The following ZNF141 variants were observed in gnomAD, a reference collection of about 807,000 sequenced individuals.
The protein encoded by ZNF141 is zinc finger protein 141.
ZNF141 carries 7 observed loss-of-function variants against 11.3 expected under a neutral mutation model. The ratio of observed to expected loss-of-function variants is 0.62; its 90% CI spans 0.35 to 1.16. The LOEUF (loss-of-function observed/expected upper bound fraction) is 1.16. Among genes scored for constraint, ZNF141 ranks in the 50% most tolerant of loss-of-function variants. The pLI, the probability that ZNF141 is intolerant of heterozygous loss-of-function variation, is 0.02. For synonymous variants in ZNF141, 183 were observed against 190.7 expected, an observed-to-expected ratio of 0.96 and a Z score of 0.33; for missense variants, 535 against 554.0, an observed-to-expected ratio of 0.97 and a Z score of 0.34.
intron 3 of ZNF141, among the ~76,000 whole-genome samples, chr4:344,760 C>G (rs781903306): frequency 1.3e-4 from 20 of 152,128 alleles, no homozygotes; most frequent in South Asian, 6.2e-4. Flanking sequence ...CACCACTGCA[C>G]TCCAGCCTGG....
intron 3 of ZNF141, among the ~76,000 whole-genome samples, chr4:370,965 CTCCTGA>C (rs1472188048): frequency 6.6e-6 from 1 of 151,980 alleles, no homozygotes; most frequent in Non-Finnish European, 1.5e-5. Flanking sequence ...CTCTCCTGAC[CTCCTGA>C]TCCACCAGCC....
intron 2 of ZNF141, 62 bp from the exon 3 acceptor site, chr4:344,273 A>C (rs1299874758): frequency 2.9e-6 from 4 of 1,376,316 alleles, no homozygotes; most frequent in African/African-American, 2.9e-5. Context: ...GCGTAGTACT[A>C]GGTTGGTAAT....
chr4:348,670 A>G (rs941763607), intron 3 of ZNF141, among the ~76,000 whole-genome samples: 1 of 151,522 alleles, frequency 6.6e-6, no homozygotes, highest in Non-Finnish European at 1.5e-5. Flanking sequence ...AGCCTAGATC[A>G]CTGAACCTAG....
At chr4:371,152 T>C (rs2108652111) in intron 3 of ZNF141, among the ~76,000 whole-genome samples, 1 of 149,740 alleles carries the variant, frequency 6.7e-6, no homozygotes, top group East Asian at 1.9e-4. Context: ...TATATTTAGT[T>C]TTGTTACCAT....
intron 3 of ZNF141, among the ~76,000 whole-genome samples, chr4:348,913 AT>A (rs1383250440): frequency 3.3e-5 from 5 of 152,280 alleles, no homozygotes; most frequent in African/African-American, 1.2e-4. Context: ...TTTGGATAAT[AT>A]TCTTTGACAA....
intron 3 of ZNF141, among the ~76,000 whole-genome samples, chr4:347,790 T>A (rs146951447): frequency 6.6e-6 from 1 of 152,244 alleles, no homozygotes; most frequent in Non-Finnish European, 1.5e-5. Context: ...GGTTATTCAT[T>A]ATTATTGTTT....
rs1240265985 is a variant in ZNF141 at position 382,732 on chromosome 4, T to C, written c.*8870T>C. The stretch of plus-strand genomic sequence containing the variant: ...AAAAATCTTGCTCCTATTTCAGAAG[T>C]GTCACTCCAGCCCCTTGAAGGTCCA... On this transcript the variant is annotated 3_prime_UTR_variant, in exon 4 of 4. Coordinates refer to ENST00000240499, the MANE Select transcript of ZNF141 (RefSeq NM_003441.4). 6 of 157,158 alleles carry C rather than the reference T, an allele frequency of 3.8e-5. No individual in the cohort carries two copies. The highest frequency in any genetic ancestry group is 1.3e-4 in the Admixed American group (2 of 15,672). 9.7% of individuals were successfully genotyped at this position (157,158 alleles called of 1,614,324 possible). A position where few individuals can be genotyped will look rare whatever the true frequency, so the allele number is the denominator to read the frequency against.
At chr4:363,520 G>T (rs1711582458) in intron 3 of ZNF141, among the ~76,000 whole-genome samples, 1 of 152,094 alleles carries the variant, frequency 6.6e-6, no homozygotes, top group Admixed American at 6.5e-5. Flanking sequence ...ACTTTGGGAG[G>T]CCAAGGCGGG....
At chr4:369,073 TATCCTACTACA>T (rs2108723555) in intron 3 of ZNF141, among the ~76,000 whole-genome samples, 1 of 152,270 alleles carries the variant, frequency 6.6e-6, no homozygotes, top group African/African-American at 2.4e-5. Context: ...GGTATTGAAA[TATCCTACTACA>T]ATTACATTGC....
chr4:347,498 C>T, intron 3 of ZNF141, among the ~76,000 whole-genome samples: 1 of 151,850 alleles, frequency 6.6e-6, no homozygotes, highest in Non-Finnish European at 1.5e-5. Context: ...TTCCACCACA[C>T]CCAGCTAATT....
rs535876094 is a variant in ZNF141 at position 371,134 on chromosome 4, A to ATT, written c.227-1527_227-1526dup. 5.7e-3 allele frequency among the ~76,000 whole-genome samples: 850 copies of ATT among 148,094 alleles called. 12 individuals are homozygous for ATT. The highest frequency in any genetic ancestry group is 0.053 in the South Asian group (253 of 4,750). On this transcript the variant is annotated intron_variant, in intron 3 of 3. Coordinates refer to ENST00000240499, the MANE Select transcript of ZNF141 (RefSeq NM_003441.4). ...TGTTTTCATTTATATATATATATAT[A>ATT]TTTTAATTATATTTAGTTTTGTTAC... is the stretch of plus-strand genomic sequence containing the variant.
Position 374,010 on chromosome 4 carries a change from CAT to C in ZNF141, c.*150_*151del. On this transcript the variant is annotated 3_prime_UTR_variant, in exon 4 of 4. Coordinates refer to ENST00000240499, the MANE Select transcript of ZNF141 (RefSeq NM_003441.4). ...TACCTCATTCTCAAACCTTGATAAA[CAT>C]AAGAGAATTCATACCGGAGAGAAAC... 1 of 740,836 alleles carries C rather than the reference CAT, an allele frequency of 1.3e-6. No individual in the cohort carries two copies. Among genetic ancestry groups the C allele is most frequent in the Non-Finnish European group, 2.3e-6 (1 of 438,632 alleles). 45.9% of individuals were successfully genotyped at this position (740,836 alleles called of 1,614,324 possible).
chr4:363,626 C>A (rs1445269221), intron 3 of ZNF141, among the ~76,000 whole-genome samples: 1 of 152,010 alleles, frequency 6.6e-6, no homozygotes, highest in Non-Finnish European at 1.5e-5. Context: ...GGTGTGGTGG[C>A]AGGCACCTGG....
rs1712482178 is a variant in ZNF141 at position 378,731 on chromosome 4, G to T, written c.*4869G>T. Among the ~76,000 whole-genome samples, 2 of 150,528 alleles carry T rather than the reference G, an allele frequency of 1.3e-5. No individual in the cohort carries two copies. The highest frequency in any genetic ancestry group is 4.9e-5 in the African/African-American group (2 of 40,814). ...TAGTGGATGCATTTCATGGGCTACA[G>T]TTTTCATTTTTACTCACCTAACTTT... On this transcript the variant is annotated 3_prime_UTR_variant, in exon 4 of 4. Coordinates refer to ENST00000240499, the MANE Select transcript of ZNF141 (RefSeq NM_003441.4).
At position 373,724 on chromosome 4, in the gene ZNF141, C is replaced by T. The variant is rs1267624232; in HGVS notation, c.1287C>T (p.Asp429=). 2.5e-6 allele frequency: 4 copies of T among 1,613,970 alleles called. No homozygotes were observed. Among genetic ancestry groups the T allele is most frequent in the Non-Finnish European group, 3.4e-6 (4 of 1,180,004 alleles). The change falls in exon 4 of 4, where the codon GAC becomes GAT. Residue 429 remains aspartate, a synonymous_variant. Coordinates refer to ENST00000240499, the MANE Select transcript of ZNF141 (RefSeq NM_003441.4). The part of the protein sequence containing the change: ...ADKPYKCKEC[D]KAFKQFSLLS... ...AACCCTACAAATGTAAAGAATGTGACAAAGCCTTTAAACAATTTTCGCTCC... is the reference window on the plus strand; with the variant it reads ...AACCCTACAAATGTAAAGAATGTGATAAAGCCTTTAAACAATTTTCGCTCC...
At chr4:348,074 G>C (rs1056307293) in intron 3 of ZNF141, among the ~76,000 whole-genome samples, 2 of 152,000 alleles carry the variant, frequency 1.3e-5, no homozygotes, top group East Asian at 1.9e-4. Context: ...TCGATCTCCT[G>C]ATCTCATGAT....
intron 3 of ZNF141, among the ~76,000 whole-genome samples, chr4:346,925 G>A (rs1482715474): frequency 2.7e-5 from 4 of 146,026 alleles, no homozygotes; most frequent in Non-Finnish European, 4.4e-5. Flanking sequence ...TACTGTAAAC[G>A]GTACTACAAT....
Position 377,318 on chromosome 4 carries a change from G to C in ZNF141, c.*3456G>C, listed in dbSNP as rs1310888827. Among the ~76,000 whole-genome samples, 4 of 152,174 alleles carry C rather than the reference G, an allele frequency of 2.6e-5. No homozygotes were observed. The highest frequency in any genetic ancestry group is 2.6e-4 in the Admixed American group (4 of 15,280). ...TTAGCCATAAATATTCCTGGAGTTA[G>C]TTTGTAGCTCCAAGTAAGAGATTGA... On this transcript the variant is annotated 3_prime_UTR_variant, in exon 4 of 4. Transcript: ENST00000240499.
chr4:376,041 A>ATAT lies in ZNF141; in HGVS notation c.*2179_*2180insTAT, dbSNP rs1712349432. On this transcript the variant is annotated 3_prime_UTR_variant, in exon 4 of 4. Coordinates refer to ENST00000240499, the MANE Select transcript of ZNF141 (RefSeq NM_003441.4). ...ATTATACATTTATGTAATAAGATAC[A>ATAT]GTAAATTTTAAAATTATTTTAAGAT... Among the ~76,000 whole-genome samples the ATAT allele has an allele frequency of 6.6e-6, 1 of 152,100 alleles. No homozygotes were observed. Among genetic ancestry groups the ATAT allele is most frequent in the Non-Finnish European group, 1.5e-5 (1 of 67,922 alleles).
Sources: allele counts gnomAD v4.1 joint callset (sites outside exome capture counted in the v4.1 genomes callset), GRCh38; gene constraint gnomAD v4.1.1; transcripts MANE v1.5; gene names NCBI Gene and HGNC (gene_info 2026-07-23, HGNC 2026-07-21).